RANBP2: variants seen among roughly 807,000 people sequenced by gnomAD.
RANBP2 encodes E3 SUMO-protein ligase RanBP2.
In RANBP2, 57 loss-of-function variants were observed where a neutral mutation model predicts 303.6. The ratio of observed to expected loss-of-function variants is 0.19; its 90% CI spans 0.15 to 0.23. The LOEUF (loss-of-function observed/expected upper bound fraction) is 0.23. Ranked by LOEUF, RANBP2 falls within the 10% of genes least tolerant of loss-of-function variation. RANBP2 has a pLI of 1.00. For missense variants in RANBP2, 3,138 were observed against 3,780.8 expected, an observed-to-expected ratio of 0.83 and a Z score of 4.46; for synonymous variants, 1,167 against 1,301.5, an observed-to-expected ratio of 0.90 and a Z score of 2.23.
the RANBP2 span, chr2:109,613,011 T>G: frequency 8.0e-6 from 4 of 499,600 alleles, no homozygotes. Flanking sequence ...TTTACACAGA[T>G]GAAAACCACC....
At chr2:109,090,328 A>C in the RANBP2 span, among the ~76,000 whole-genome samples, 1 of 142,124 alleles carries the variant, frequency 7.0e-6, no homozygotes, top group Non-Finnish European at 1.6e-5. Flanking sequence ...ACACACACAC[A>C]CACACACACA....
the RANBP2 span, among the ~76,000 whole-genome samples, chr2:109,249,633 C>G: frequency 1.4e-5 from 2 of 146,094 alleles, no homozygotes; most frequent in Middle Eastern, 3.5e-3. Flanking sequence ...TTCTCTCTCT[C>G]TTTCTCTGTT....
At chr2:109,130,863 T>G in the RANBP2 span, among the ~76,000 whole-genome samples, 5 of 152,208 alleles carry the variant, frequency 3.3e-5, no homozygotes, top group East Asian at 7.7e-4. Flanking sequence ...TGATTTGGTT[T>G]TAAAAGCTTC....
the RANBP2 span, among the ~76,000 whole-genome samples, chr2:109,051,357 G>A: frequency 2.3e-3 from 348 of 152,184 alleles, 1 homozygote; most frequent in African/African-American, 8.1e-3. Context: ...TTCACCCCCT[G>A]CCCCATGGTC....
chr2:109,035,425 T>C, the RANBP2 span, among the ~76,000 whole-genome samples: 1 of 152,002 alleles, frequency 6.6e-6, no homozygotes, highest in African/African-American at 2.4e-5. Context: ...AAAAAAAGCC[T>C]AGGGACCTCA....
chr2:109,643,107 A>G, the RANBP2 span, among the ~76,000 whole-genome samples: 1 of 152,010 alleles, frequency 6.6e-6, no homozygotes, highest in Admixed American at 6.6e-5. Flanking sequence ...GCTTGAGCTC[A>G]GGAATTTGAG....
At chr2:108,777,690 T>C (rs1438310897) in intron 25 of RANBP2, among the ~76,000 whole-genome samples, 1 of 152,178 alleles carries the variant, frequency 6.6e-6, no homozygotes, top group African/African-American at 2.4e-5. Flanking sequence ...CCATCTTCTT[T>C]AGTGGAGTTT....
chr2:109,027,654 G>A, the RANBP2 span, among the ~76,000 whole-genome samples: 1 of 151,956 alleles, frequency 6.6e-6, no homozygotes, highest in Non-Finnish European at 1.5e-5. Context: ...GTATCTGGAA[G>A]GAAGCAGTGC....
the RANBP2 span, among the ~76,000 whole-genome samples, chr2:108,899,422 A>C: frequency 6.6e-6 from 1 of 152,356 alleles, no homozygotes; most frequent in African/African-American, 2.4e-5. Context: ...CTATCCTAAA[A>C]GAAGCAAAAG....
chr2:108,859,479 A>G, the RANBP2 span, among the ~76,000 whole-genome samples: 1 of 152,130 alleles, frequency 6.6e-6, no homozygotes, highest in Non-Finnish European at 1.5e-5. Flanking sequence ...TGCCTAGGCC[A>G]ATGTCCAGAA....
At chr2:108,798,328 C>G in the RANBP2 span, 282 of 1,375,954 alleles carry the variant, frequency 2.0e-4, no homozygotes, top group Non-Finnish European at 3.2e-5. Flanking sequence ...CCCTGTATTC[C>G]TGAAAACCAC....
chr2:109,626,485 C>CA, the RANBP2 span, among the ~76,000 whole-genome samples: 1 of 104,064 alleles, frequency 9.6e-6, no homozygotes, highest in Non-Finnish European at 2.0e-5. Flanking sequence ...AAAAACAAAA[C>CA]AAACAAACAA....
chr2:108,832,344 C>CTTT, the RANBP2 span, among the ~76,000 whole-genome samples: 4 of 122,208 alleles, frequency 3.3e-5, no homozygotes, highest in Non-Finnish European at 5.1e-5. Context: ...GTATTTCTTT[C>CTTT]TTTTTTTTTT....
chr2:108,854,157 A>G, the RANBP2 span, among the ~76,000 whole-genome samples: 1 of 144,454 alleles, frequency 6.9e-6, no homozygotes, highest in Non-Finnish European at 1.5e-5. Flanking sequence ...GGACTAGGAC[A>G]TTTGTCCTGT....
the RANBP2 span, among the ~76,000 whole-genome samples, chr2:109,123,581 C>G: frequency 6.6e-6 from 1 of 152,204 alleles, no homozygotes. Flanking sequence ...AATATAGACT[C>G]AAGTCCCCCA....
the RANBP2 span, among the ~76,000 whole-genome samples, chr2:109,200,267 C>T: frequency 2.0e-5 from 3 of 152,140 alleles, no homozygotes; most frequent in South Asian, 2.1e-4. Flanking sequence ...GGGCTTTCAG[C>T]AAGGTGTTCT....
At chr2:108,855,617 T>C in the RANBP2 span, among the ~76,000 whole-genome samples, 1 of 152,204 alleles carries the variant, frequency 6.6e-6, no homozygotes, top group Non-Finnish European at 1.5e-5. Context: ...TACAGTAATG[T>C]TGGTGTTCCT....
rs755160668 is a variant in RANBP2, at chr2:108,764,570, T to C, written c.4031T>C (p.Phe1344Ser). 6.2e-7 allele frequency: 1 copy of C among 1,613,918 alleles called. No individual in the cohort carries two copies. The change falls in exon 20 of 29, where the codon TTT (phenylalanine) becomes TCT (serine). Residue 1344 changes from phenylalanine (F) to serine (S), a missense_variant. Coordinates refer to ENST00000283195, the MANE Select transcript of RANBP2 (RefSeq NM_006267.5). ...ICKSDAGNLN[F>S]EFQVAKKEGS... is the part of the protein sequence containing the mutation. ...AAATCTGATGCTGGAAACCTGAATT[T>C]TGAATTTCAGGTTGCAAAGAAAGAA...
chr2:109,725,516 G>C, the RANBP2 span, among the ~76,000 whole-genome samples: 53 of 152,146 alleles, frequency 3.5e-4, no homozygotes, highest in African/African-American at 1.2e-3. Context: ...GGCATTTCTT[G>C]CTGCTCTCAT....
Sources: allele counts gnomAD v4.1 joint callset (sites outside exome capture counted in the v4.1 genomes callset), GRCh38; gene constraint gnomAD v4.1.1; transcripts MANE v1.5; gene names NCBI Gene and HGNC (gene_info 2026-07-23, HGNC 2026-07-21).